Variants in ABCA5 observed in about 807,000 individuals in gnomAD.
ABCA5 encodes the protein cholesterol transporter ABCA5.
In ABCA5, 163 loss-of-function variants were observed where a neutral mutation model predicts 206.0. That is an observed-to-expected ratio of 0.79 (90% CI 0.70 to 0.90). The LOEUF (loss-of-function observed/expected upper bound fraction) is 0.90. ABCA5 is among the 40% of genes least tolerant of loss of function. The pLI, the probability that ABCA5 is intolerant of heterozygous loss-of-function variation, is 0.00. For missense variants in ABCA5, 1,859 were observed against 1,912.9 expected (o/e 0.97, Z 0.53); for synonymous variants, 609 against 613.8 (o/e 0.99, Z 0.11).
intron 8 of ABCA5, among the ~76,000 whole-genome samples, chr17:69,301,844 A>T (rs1169689242): frequency 1.3e-5 from 2 of 152,172 alleles, no homozygotes; most frequent in Non-Finnish European, 2.9e-5. Context: ...CGCTTTAATT[A>T]TACTATTCTA....
Position 69,271,272 on chromosome 17 carries a change from G to T in ABCA5, c.2782C>A (p.Leu928Ile). ...TTCTGGCTTGTGAAAAAGCTAATAAGATCACTGATATCTGAGTCTGGTGTT... is the reference window on the plus strand; with the variant it reads ...TTCTGGCTTGTGAAAAAGCTAATAATATCACTGATATCTGAGTCTGGTGTT... ...QNSADSDISD[L>I]ISFFTSQNIM... The change falls in exon 21 of 39, where the codon CTT becomes ATT. Residue 928 changes from leucine (L) to isoleucine (I), a missense_variant. Physicochemically the swap from Leu to Ile is conservative, Grantham distance 5. Transcript: ENST00000392676. 1 of 1,611,602 alleles carries T rather than the reference G, an allele frequency of 6.2e-7. No individual in the cohort carries two copies.
At chr17:69,289,380 G>T in intron 13 of ABCA5, 84 bp from the exon 14 acceptor site, 2 of 1,051,270 alleles carry the variant, frequency 1.9e-6, no homozygotes, top group Non-Finnish European at 1.3e-6. Flanking sequence ...AATATTTTAA[G>T]TTTTAATGTG....
Position 69,276,377 on chromosome 17 carries a change from G to A in ABCA5, c.2594+1264C>T, listed in dbSNP as rs141410896. On this transcript the variant is annotated intron_variant, in intron 19 of 38. Coordinates refer to ENST00000392676, the MANE Select transcript of ABCA5 (RefSeq NM_172232.4). ...GCTGGGATTACAAGCTTGAGCCACC[G>A]AGCCCAGATGGTATTTTAATTATTT... Among the ~76,000 whole-genome samples the A allele has an allele frequency of 3.4e-3, 523 of 152,254 alleles. 4 individuals are homozygous for A. Among genetic ancestry groups the A allele is most frequent in the African/African-American group, 0.012 (502 of 41,550 alleles).
intron 14 of ABCA5, among the ~76,000 whole-genome samples, chr17:69,287,992 T>C (rs1222546959): frequency 1.3e-5 from 2 of 152,174 alleles, no homozygotes; most frequent in African/African-American, 4.8e-5. Context: ...GACAAAAGTA[T>C]AACAACAGTC....
chr17:69,314,462 C>G, intron 1 of ABCA5, 32 bp from the exon 2 acceptor site: 1 of 1,348,224 alleles, frequency 7.4e-7, no homozygotes, highest in Non-Finnish European at 1.1e-6. Flanking sequence ...CAAACAAACC[C>G]GGAGCCACGC....
chr17:69,288,490 AAG>A (rs1464098605), intron 14 of ABCA5, among the ~76,000 whole-genome samples: 1 of 152,174 alleles, frequency 6.6e-6, no homozygotes, highest in African/African-American at 2.4e-5. Context: ...TATAGAGAAC[AAG>A]AGAGTAATAC....
In ABCA5 at chr17:69,261,635, C is replaced by G; in HGVS notation, c.3429G>C (p.Val1143=). Reference sequence around the variant, plus strand: ...TGAAATAATGTAAAATGTGACTTACCACAGAATAGATAAATGACCAAAATT... The same window carrying G: ...TGAAATAATGTAAAATGTGACTTACGACAGAATAGATAAATGACCAAAATT... ...TKEFWSFIYS[V]AALACIAITE... Residue 1143 remains valine, a splice_region_variant and synonymous_variant, in exon 25 of 39, where the codon GTG becomes GTC. Transcript: ENST00000392676. The G allele has an allele frequency of 7.9e-7, 1 of 1,269,544 alleles. No homozygotes were observed. Among genetic ancestry groups the G allele is most frequent in the Non-Finnish European group, 1.1e-6 (1 of 909,676 alleles). 78.6% of individuals were successfully genotyped at this position (1,269,544 alleles called of 1,614,324 possible). A position where few individuals can be genotyped will look rare whatever the true frequency, so the allele number is the denominator to read the frequency against.
intron 11 of ABCA5, among the ~76,000 whole-genome samples, chr17:69,292,898 T>C (rs2075543773): frequency 2.0e-5 from 3 of 152,192 alleles, no homozygotes; most frequent in Admixed American, 6.5e-5. Context: ...GAAAAGAACT[T>C]GAATAGGCAT....
rs199753304 is a variant in ABCA5 at position 69,253,793 on chromosome 17, C to A, written c.4320+1G>T. 5.2e-5 allele frequency: 84 copies of A among 1,610,634 alleles called. No individual in the cohort carries two copies. The highest frequency in any genetic ancestry group is 6.6e-5 in the Non-Finnish European group (78 of 1,177,632). ...CATTATTTGGTGTTTAATGAAAGTA[C>A]CTTTCGTTTGATTCCTGCAGGTAGT... On this transcript the variant is annotated splice_donor_variant, in intron 33 of 38. Transcript: ENST00000392676. LOFTEE classifies it high-confidence loss of function.
At chr17:69,282,545 C>T (rs566464138) in intron 18 of ABCA5, among the ~76,000 whole-genome samples, 55 of 152,122 alleles carry the variant, frequency 3.6e-4, no homozygotes, top group South Asian at 6.2e-4. Flanking sequence ...CCAAGGCGGG[C>T]GGATCACCTG....
At position 69,314,429 on chromosome 17, in the gene ABCA5, A is replaced by T. The variant is rs2075797477; in HGVS notation, c.-14T>A. On this transcript the variant is annotated splice_region_variant and 5_prime_UTR_variant, in exon 2 of 39. Transcript: ENST00000392676. ...TGCAGTGGACATGTTTTCTGAATAA[A>T]CCTATTAAAGAGGAAAAACAAACAA... 3.2e-6 allele frequency: 5 copies of T among 1,579,172 alleles called. No homozygotes were observed. The South Asian group carries it at 4.5e-5, about 14-fold the overall frequency.
chr17:69,301,959 A>G (rs912393453), intron 8 of ABCA5, among the ~76,000 whole-genome samples: 1 of 152,196 alleles, frequency 6.6e-6, no homozygotes, highest in Non-Finnish European at 1.5e-5. Context: ...CTTCGTTCCT[A>G]GAGAACGCGG....
intron 14 of ABCA5, among the ~76,000 whole-genome samples, chr17:69,288,645 G>A (rs940447838): frequency 4.6e-5 from 7 of 151,516 alleles, no homozygotes; most frequent in South Asian, 2.1e-4. Context: ...AAGGCGGGAG[G>A]ATCGCTTGAG....
chr17:69,271,322 T>A (rs1419134859), intron 20 of ABCA5, 33 bp from the exon 21 acceptor site: 2 of 1,592,332 alleles, frequency 1.3e-6, no homozygotes, highest in Non-Finnish European at 1.7e-6. Context: ...TAATAAAAAA[T>A]GAGTCTAAAC....
chr17:69,257,266 G>A (rs2075094002), intron 28 of ABCA5, among the ~76,000 whole-genome samples: 1 of 151,444 alleles, frequency 6.6e-6, no homozygotes, highest in Non-Finnish European at 1.5e-5. Flanking sequence ...AGCTACTTGG[G>A]AGGCTGAGGC....
intron 37 of ABCA5, chr17:69,249,579 C>T (rs1261626656): frequency 7.2e-6 from 2 of 276,908 alleles, no homozygotes; most frequent in African/African-American, 2.2e-5. Context: ...CTCATAGATG[C>T]AATGTGATAA....
In ABCA5 at chr17:69,306,957, A is replaced by C. The variant is rs764634486; in HGVS notation, c.559-3T>G. The C allele has an allele frequency of 1.3e-6, 2 of 1,523,392 alleles. No homozygotes were observed. Among genetic ancestry groups the C allele is most frequent in the Admixed American group, 4.4e-5 (2 of 45,886 alleles). The allele number at this position is 1,523,392 out of a possible 1,614,324, so 94.4% of individuals were successfully genotyped here. A position where few individuals can be genotyped will look rare whatever the true frequency, so the allele number is the denominator to read the frequency against. ...CAAAGAGAAACATTGGTCTTCAACT[A>C]TAATTAGAAAATGTAAATACATCAA... On this transcript the variant is annotated splice_region_variant and splice_polypyrimidine_tract_variant and intron_variant, in intron 5 of 38. Transcript: ENST00000392676.
intron 19 of ABCA5, among the ~76,000 whole-genome samples, chr17:69,276,238 C>G (rs887681047): frequency 2.6e-5 from 4 of 151,942 alleles, no homozygotes; most frequent in Admixed American, 6.6e-5. Context: ...AGGCGCCCAC[C>G]ACCACACCCA....
intron 9 of ABCA5, among the ~76,000 whole-genome samples, chr17:69,297,987 C>T (rs901792120): frequency 1.3e-5 from 2 of 152,110 alleles, no homozygotes; most frequent in Non-Finnish European, 2.9e-5. Flanking sequence ...GAGTTTGAGA[C>T]CAGCCTGGGC....
Sources: gnomAD v4.1 joint callset for allele counts (sites outside exome capture counted in the v4.1 genomes callset) on GRCh38, gnomAD v4.1.1 for gene constraint, MANE v1.5 for transcripts, NCBI Gene and HGNC (gene_info 2026-07-23, HGNC 2026-07-21) for gene names.